Variants in OXR1 observed in about 807,000 individuals in gnomAD.
The protein encoded by OXR1 is oxidation resistance protein 1.
A neutral mutation model predicts 104.6 loss-of-function variants in OXR1; 41 were observed. The ratio of observed to expected loss-of-function variants is 0.39; its 90% CI spans 0.31 to 0.51. The LOEUF is 0.51. OXR1 is among the 20% of genes least tolerant of loss of function. The pLI, the probability that OXR1 is intolerant of heterozygous loss-of-function variation, is 0.77. For synonymous variants in OXR1, 348 were observed against 348.4 expected (o/e 1.00, Z 0.01); for missense variants, 955 against 1,031.9 (o/e 0.93, Z 1.02).
intron 2 of OXR1, among the ~76,000 whole-genome samples, chr8:106,488,971 G>A (rs1317317899): frequency 6.6e-6 from 1 of 150,468 alleles, no homozygotes; most frequent in Non-Finnish European, 1.5e-5. Flanking sequence ...AAAGTCATTG[G>A]TAGCTTGATA....
intron 1 of OXR1, among the ~76,000 whole-genome samples, chr8:106,342,244 TC>T (rs1815283061): frequency 6.7e-6 from 1 of 149,318 alleles, no homozygotes; most frequent in Non-Finnish European, 1.5e-5. Flanking sequence ...TCTTTTCTTT[TC>T]TTTTTTCTTT....
At chr8:106,586,028 G>A (rs956264988) in intron 3 of OXR1, among the ~76,000 whole-genome samples, 2 of 152,186 alleles carry the variant, frequency 1.3e-5, no homozygotes, top group Non-Finnish European at 2.9e-5. Context: ...TTTACTCCCA[G>A]TGAAATGATA....
chr8:106,333,401 C>T lies in OXR1; in HGVS notation c.-138-26075C>T, dbSNP rs560767971. On this transcript the variant is annotated intron_variant, in intron 1 of 16. Transcript: ENST00000517566. ...ATATTAGATCCTTATCAGAGATATA[C>T]TTTGGAAATATTTTCTCCTATTATG... Among the ~76,000 whole-genome samples the T allele has an allele frequency of 1.2e-3, 184 of 152,090 alleles. 3 individuals are homozygous for T. Among genetic ancestry groups the T allele is most frequent in the African/African-American group, 7.9e-4 (33 of 41,526 alleles).
chr8:106,685,087 A>G (rs527506504), intron 6 of OXR1, among the ~76,000 whole-genome samples: 2 of 152,106 alleles, frequency 1.3e-5, no homozygotes, highest in Non-Finnish European at 2.9e-5. Context: ...TTTGATGGAT[A>G]TCTTCTTTAT....
At chr8:106,606,829 C>A (rs535493620) in intron 3 of OXR1, among the ~76,000 whole-genome samples, 1 of 152,106 alleles carries the variant, frequency 6.6e-6, no homozygotes, top group African/African-American at 2.4e-5. Context: ...AGGGGGTCAT[C>A]ATTCTGCCTA....
chr8:106,563,296 C>CAAAAAAAAAAAAA (rs145929849), intron 3 of OXR1, among the ~76,000 whole-genome samples: 11 of 125,752 alleles, frequency 8.7e-5, no homozygotes, highest in Admixed American at 1.6e-4. Context: ...AAATGGAAAG[C>CAAAAAAAAAAAAA]AAAAAAAAAA....
intron 4 of OXR1, among the ~76,000 whole-genome samples, chr8:106,680,950 A>G (rs1383735337): frequency 1.3e-5 from 2 of 152,192 alleles, no homozygotes; most frequent in Admixed American, 1.3e-4. Context: ...ACCTACTGCT[A>G]CTGCTGTCAC....
At chr8:106,439,462 A>G (rs1819700557) in intron 2 of OXR1, among the ~76,000 whole-genome samples, 1 of 152,134 alleles carries the variant, frequency 6.6e-6, no homozygotes, top group Non-Finnish European at 1.5e-5. Flanking sequence ...AGAGCAGCCC[A>G]AAATAAAACA....
chr8:106,330,629 G>T (rs116438935), intron 1 of OXR1, among the ~76,000 whole-genome samples: 1 of 152,142 alleles, frequency 6.6e-6, no homozygotes, highest in Non-Finnish European at 1.5e-5. Flanking sequence ...ATTACTGCTG[G>T]ATGTTAAGAA....
At chr8:106,491,807 A>G (rs886801639) in intron 2 of OXR1, among the ~76,000 whole-genome samples, 1 of 152,216 alleles carries the variant, frequency 6.6e-6, no homozygotes, top group Admixed American at 6.5e-5. Context: ...TGAGAAATTC[A>G]TAGGTATCAA....
intron 3 of OXR1, among the ~76,000 whole-genome samples, chr8:106,526,782 A>G (rs951721150): frequency 6.6e-6 from 1 of 152,142 alleles, no homozygotes; most frequent in African/African-American, 2.4e-5. Flanking sequence ...TGACTTCGTG[A>G]TGCGCCCCCC....
intron 7 of OXR1, among the ~76,000 whole-genome samples, chr8:106,695,608 G>A (rs967028202): frequency 4.0e-5 from 6 of 151,558 alleles, no homozygotes; most frequent in Admixed American, 1.3e-4. Context: ...TTAGTAGAGA[G>A]GGGGTTTTAC....
chr8:106,533,725 T>G (rs1814263764), intron 3 of OXR1, among the ~76,000 whole-genome samples: 1 of 151,714 alleles, frequency 6.6e-6, no homozygotes, highest in Admixed American at 6.6e-5. Flanking sequence ...TTTTTTTTTT[T>G]TTTTTGGAGA....
At chr8:106,455,354 C>A (rs1184365556) in intron 2 of OXR1, among the ~76,000 whole-genome samples, 4 of 152,158 alleles carry the variant, frequency 2.6e-5, no homozygotes, top group Non-Finnish European at 4.4e-5. Flanking sequence ...ACAATTTTTA[C>A]ACTAAAATCA....
Position 106,702,790 on chromosome 8 carries a change from T to C in OXR1, c.676-116T>C, listed in dbSNP as rs1182879961. ...GGTTTCATGAGAATGCCACAGTTCC[T>C]GAGTGTACTATTTTTATATATGGCC... On this transcript the variant is annotated intron_variant, in intron 7 of 16. Transcript: ENST00000517566. The C allele has an allele frequency of 5.3e-6, 4 of 757,580 alleles. No homozygotes were observed. The East Asian group carries it at 8.1e-5, about 15-fold the overall frequency. 46.9% of individuals were successfully genotyped at this position (757,580 alleles called of 1,614,324 possible).
chr8:106,408,145 G>T (rs866440057), intron 2 of OXR1, among the ~76,000 whole-genome samples: 12 of 152,220 alleles, frequency 7.9e-5, no homozygotes, highest in Middle Eastern at 3.4e-3. Flanking sequence ...CCCAAATAGC[G>T]TTGCTCTTGA....
intron 3 of OXR1, among the ~76,000 whole-genome samples, chr8:106,659,450 G>C (rs1043260729): frequency 1.3e-5 from 2 of 152,182 alleles, no homozygotes; most frequent in East Asian, 3.8e-4. Flanking sequence ...ATGAAAAGGG[G>C]AGGGGAATAC....
chr8:106,694,158 G>C (rs1320843644), intron 7 of OXR1, among the ~76,000 whole-genome samples: 1 of 151,538 alleles, frequency 6.6e-6, no homozygotes, highest in Non-Finnish European at 1.5e-5. Flanking sequence ...CTGTTTTATG[G>C]TCTAGAATAT....
chr8:106,279,520 T>C (rs544101968), intron 1 of OXR1, among the ~76,000 whole-genome samples: 72 of 152,350 alleles, frequency 4.7e-4, no homozygotes, highest in Non-Finnish European at 7.3e-5. Context: ...TTTTAGTAGC[T>C]TAATTAGAAA....
Sources: allele counts gnomAD v4.1 joint callset (sites outside exome capture counted in the v4.1 genomes callset), GRCh38; gene constraint gnomAD v4.1.1; transcripts MANE v1.5; gene names NCBI Gene and HGNC (gene_info 2026-07-23, HGNC 2026-07-21).